ESRRB: variants seen among roughly 807,000 people sequenced by gnomAD.
The protein encoded by ESRRB is steroid hormone receptor ERR2.
Under a neutral mutation model 46.0 loss-of-function variants are expected in ESRRB, and 16 were observed. The ratio of observed to expected loss-of-function variants is 0.35; its 90% CI spans 0.24 to 0.53. The LOEUF (loss-of-function observed/expected upper bound fraction) is 0.53, where lower values mean the gene tolerates loss of function less well. Ranked by LOEUF, ESRRB falls within the 20% of genes least tolerant of loss-of-function variation. ESRRB has a pLI of 0.93. For synonymous variants in ESRRB, 246 were observed against 259.6 expected (o/e 0.95, Z 0.50); for missense variants, 488 against 607.4 (o/e 0.80, Z 2.07).
At chr14:76,481,910 A>T in intron 3 of ESRRB, 106 bp from the exon 4 acceptor site, 1 of 1,006,164 alleles carries the variant, frequency 9.9e-7, no homozygotes, top group Non-Finnish European at 1.5e-6. Flanking sequence ...AGGTCATCCG[A>T]GCAAGGCCCT....
Position 76,498,672 on chromosome 14 carries a change from C to T in ESRRB, c.*214C>T. 1 of 1,468,196 alleles carries T rather than the reference C, an allele frequency of 6.8e-7. No homozygotes were observed. The highest frequency in any genetic ancestry group is 9.3e-7 in the Non-Finnish European group (1 of 1,074,456). The allele number at this position is 1,468,196 out of a possible 1,614,324, so 90.9% of individuals were successfully genotyped here. On this transcript the variant is annotated 3_prime_UTR_variant, in exon 7 of 7. Transcript: ENST00000644823. ...GGGGGGGCAGGGGTGTGGGGCTCGACTGTAACTGGCTTTTTCTTTGGTATG... is the reference window on the plus strand; with the variant it reads ...GGGGGGGCAGGGGTGTGGGGCTCGATTGTAACTGGCTTTTTCTTTGGTATG...
intron 2 of ESRRB, among the ~76,000 whole-genome samples, chr14:76,445,803 G>T (rs574391737): frequency 6.6e-6 from 1 of 151,158 alleles, no homozygotes; most frequent in Non-Finnish European, 1.5e-5. Context: ...TCCTGCCACA[G>T]CCTCCCAAGA....
In ESRRB at chr14:76,500,439, T is replaced by C; in HGVS notation, c.*1981T>C. 2 of 592,752 alleles carry C rather than the reference T, an allele frequency of 3.4e-6. No individual in the cohort carries two copies. Among genetic ancestry groups the C allele is most frequent in the South Asian group, 4.2e-5 (2 of 47,492 alleles). The allele number at this position is 592,752 out of a possible 1,614,324, so 36.7% of individuals were successfully genotyped here. ...ACACATTTGGGGCAAAGGCCCCTTC[T>C]TGGCATCAAGGAACACCAGCTACAA... is the stretch of plus-strand genomic sequence containing the variant. On this transcript the variant is annotated 3_prime_UTR_variant, in exon 7 of 7. Transcript: ENST00000644823.
At chr14:76,372,977 A>G (rs933239352), upstream of ESRRB, among the ~76,000 whole-genome samples, 8 of 152,232 alleles carry the variant, frequency 5.3e-5, no homozygotes, top group South Asian at 4.1e-4. Context: ...AGAAATTTAC[A>G]AATTTCCTTT....
chr14:76,339,262 C>G (rs969171330), intron 1 of ESRRB, among the ~76,000 whole-genome samples: 1 of 152,226 alleles, frequency 6.6e-6, no homozygotes, highest in Non-Finnish European at 1.5e-5. Context: ...AGGTCCTCCA[C>G]GCTTACGGTT....
At chr14:76,368,115 G>A (rs1433772429), upstream of ESRRB, among the ~76,000 whole-genome samples, 1 of 144,500 alleles carries the variant, frequency 6.9e-6, no homozygotes, top group Non-Finnish European at 1.5e-5. Context: ...ACCATGCCCG[G>A]CTAATTTTTC....
chr14:76,362,977 C>T (rs1467923006), intron 1 of ESRRB, among the ~76,000 whole-genome samples: 1 of 152,188 alleles, frequency 6.6e-6, no homozygotes, highest in East Asian at 1.9e-4. Flanking sequence ...GGGTGAGTCA[C>T]TCTCCCACAG....
At chr14:76,409,014 A>T (rs1369322344) in intron 1 of ESRRB, among the ~76,000 whole-genome samples, 1 of 152,146 alleles carries the variant, frequency 6.6e-6, no homozygotes, top group Non-Finnish European at 1.5e-5. Flanking sequence ...GCAGGTAGTG[A>T]GTGGCAGAGT....
At chr14:76,459,615 A>G (rs1888769033) in intron 2 of ESRRB, among the ~76,000 whole-genome samples, 1 of 152,170 alleles carries the variant, frequency 6.6e-6, no homozygotes, top group Non-Finnish European at 1.5e-5. Flanking sequence ...CCAAGATAAA[A>G]GCTTGAATGA....
chr14:76,390,110 C>T (rs1018087484), intron 1 of ESRRB, among the ~76,000 whole-genome samples: 2 of 152,296 alleles, frequency 1.3e-5, no homozygotes, highest in African/African-American at 2.4e-5. Context: ...AGCTCTGTGA[C>T]CCCAGATAAA....
At chr14:76,413,740 G>T (rs114459370) in intron 1 of ESRRB, among the ~76,000 whole-genome samples, 2,012 of 152,158 alleles carry the variant, frequency 0.013, 42 homozygotes, top group African/African-American at 0.046. Flanking sequence ...TGTAGTAAAT[G>T]AAATAAGTAA....
chr14:76,415,709 A>T (rs571583590), intron 1 of ESRRB, among the ~76,000 whole-genome samples: 2 of 152,126 alleles, frequency 1.3e-5, no homozygotes, highest in Non-Finnish European at 2.9e-5. Context: ...GTCTCACTGT[A>T]TTGCCCAGGC....
intron 1 of ESRRB, among the ~76,000 whole-genome samples, chr14:76,336,707 C>CT (rs1884130538): frequency 6.6e-6 from 1 of 152,152 alleles, no homozygotes; most frequent in Non-Finnish European, 1.5e-5. Flanking sequence ...CTGCAGTTCC[C>CT]TGGGGGCATC....
At chr14:76,412,544 C>T (rs1377990157) in intron 1 of ESRRB, among the ~76,000 whole-genome samples, 1 of 152,196 alleles carries the variant, frequency 6.6e-6, no homozygotes, top group Non-Finnish European at 1.5e-5. Flanking sequence ...CCTCCATCCT[C>T]CTCCTCCTTG....
At chr14:76,453,353 C>T (rs11850844) in intron 2 of ESRRB, among the ~76,000 whole-genome samples, 8,404 of 152,178 alleles carry the variant, frequency 0.055, 741 homozygotes, top group African/African-American at 0.19. Flanking sequence ...TGCACTCAAA[C>T]GCACCTCAAA....
In ESRRB at chr14:76,364,926, C is replaced by A. The variant is rs181387739; in HGVS notation, c.2+54010C>A. On this transcript the variant is annotated intron_variant, in intron 1 of 6. Transcript: ENST00000512784. The stretch of plus-strand genomic sequence containing the variant: ...GTAACAATCATGTAGTAATAATAAT[C>A]GTGAACTTTCCTGATCTGTCGATTA... Among the ~76,000 whole-genome samples the A allele has an allele frequency of 5.6e-4, 85 of 152,236 alleles. 2 individuals carry two copies. In the South Asian group the frequency reaches 0.016, roughly 28 times the overall value.
chr14:76,327,611 C>T (rs1039691362), intron 1 of ESRRB, among the ~76,000 whole-genome samples: 6 of 152,024 alleles, frequency 3.9e-5, no homozygotes. Context: ...AAAGATGGGC[C>T]CTGGGGAGTT....
intron 1 of ESRRB, among the ~76,000 whole-genome samples, chr14:76,408,208 G>A (rs1388630838): frequency 1.3e-5 from 2 of 152,182 alleles, no homozygotes; most frequent in Non-Finnish European, 2.9e-5. Context: ...TCATTCTACA[G>A]AAATTATTCA....
At chr14:76,404,017 C>T in intron 1 of ESRRB, among the ~76,000 whole-genome samples, 1 of 152,216 alleles carries the variant, frequency 6.6e-6, no homozygotes, top group East Asian at 1.9e-4. Context: ...CCATGCCCGG[C>T]TGGGAGCAGG....
Sources: gnomAD v4.1 joint callset for allele counts (sites outside exome capture counted in the v4.1 genomes callset) on GRCh38, gnomAD v4.1.1 for gene constraint, MANE v1.5 for transcripts, NCBI Gene and HGNC (gene_info 2026-07-23, HGNC 2026-07-21) for gene names.